SCHIP1: variants seen among roughly 807,000 people sequenced by gnomAD.
The protein encoded by SCHIP1 is schwannomin-interacting protein 1.
In SCHIP1, 8 loss-of-function variants were observed where a neutral mutation model predicts 29.7. The ratio of observed to expected loss-of-function variants is 0.27; its 90% CI spans 0.16 to 0.49. The LOEUF (loss-of-function observed/expected upper bound fraction) is 0.49, where lower values mean the gene tolerates loss of function less well. SCHIP1 is among the 20% of genes least tolerant of loss of function. SCHIP1 has a pLI of 0.99. For missense variants in SCHIP1, 193 were observed against 294.6 expected (o/e 0.66, Z 2.52); for synonymous variants, 76 against 94.9 (o/e 0.80, Z 1.16).
At chr3:159,748,823 T>C in the SCHIP1 span, among the ~76,000 whole-genome samples, 2 of 152,226 alleles carry the variant, frequency 1.3e-5, no homozygotes, top group Admixed American at 1.3e-4. Context: ...CATTTTAGTC[T>C]CTGTTGCTGG....
At chr3:159,556,581 T>A in the SCHIP1 span, among the ~76,000 whole-genome samples, 2 of 151,894 alleles carry the variant, frequency 1.3e-5, no homozygotes, top group Non-Finnish European at 1.5e-5. Flanking sequence ...TGGAACACTA[T>A]GCAGCCATAA....
chr3:159,295,253 T>TAAAA, the SCHIP1 span, among the ~76,000 whole-genome samples: 34 of 66,888 alleles, frequency 5.1e-4, 1 homozygote, highest in East Asian at 1.7e-3. Context: ...CTATCTCTAC[T>TAAAA]AAAAAAAAAA....
the SCHIP1 span, among the ~76,000 whole-genome samples, chr3:159,381,557 GT>G: frequency 6.6e-6 from 1 of 151,864 alleles, no homozygotes; most frequent in Non-Finnish European, 1.5e-5. Context: ...CAGCTCTACA[GT>G]TACACCCTGG....
At chr3:159,312,414 C>CA in the SCHIP1 span, among the ~76,000 whole-genome samples, 2 of 151,954 alleles carry the variant, frequency 1.3e-5, no homozygotes, top group African/African-American at 2.4e-5. Flanking sequence ...AACAGTCAGC[C>CA]AAAAAAATGT....
the SCHIP1 span, among the ~76,000 whole-genome samples, chr3:159,524,018 A>G: frequency 2.0e-5 from 3 of 152,222 alleles, no homozygotes; most frequent in Admixed American, 2.0e-4. Flanking sequence ...ATGCAGAAAT[A>G]TCAGCATCCT....
At chr3:159,469,840 GATA>G in the SCHIP1 span, among the ~76,000 whole-genome samples, 1 of 152,008 alleles carries the variant, frequency 6.6e-6, no homozygotes, top group Non-Finnish European at 1.5e-5. Flanking sequence ...AATATAACTA[GATA>G]ACCCAAAGAT....
chr3:159,405,033 A>G, the SCHIP1 span, among the ~76,000 whole-genome samples: 3 of 152,162 alleles, frequency 2.0e-5, no homozygotes, highest in African/African-American at 7.2e-5. Flanking sequence ...ATCCAAGACC[A>G]AGGTGGTACC....
At chr3:159,885,746 T>G (rs1474445110) in intron 2 of SCHIP1, among the ~76,000 whole-genome samples, 2 of 152,252 alleles carry the variant, frequency 1.3e-5, no homozygotes, top group Non-Finnish European at 2.9e-5. Flanking sequence ...TCTGTCTATT[T>G]GGGAGAAAAG....
At chr3:159,775,123 C>T in the SCHIP1 span, among the ~76,000 whole-genome samples, 1 of 152,192 alleles carries the variant, frequency 6.6e-6, no homozygotes, top group Non-Finnish European at 1.5e-5. Context: ...TCTGCAAATT[C>T]ATCAATTCAA....
At chr3:159,568,542 C>T in the SCHIP1 span, among the ~76,000 whole-genome samples, 2 of 152,062 alleles carry the variant, frequency 1.3e-5, no homozygotes, top group South Asian at 2.1e-4. Flanking sequence ...TACAGTCTTA[C>T]TTCCTAAATT....
At chr3:159,661,519 T>C in the SCHIP1 span, among the ~76,000 whole-genome samples, 1 of 152,224 alleles carries the variant, frequency 6.6e-6, no homozygotes, top group African/African-American at 2.4e-5. Context: ...GTGCAACATA[T>C]GACACACAAT....
chr3:159,704,417 T>TAAAAAAAAAAA, the SCHIP1 span, among the ~76,000 whole-genome samples: 13 of 92,640 alleles, frequency 1.4e-4, no homozygotes, highest in African/African-American at 5.3e-4. Flanking sequence ...CAATTTTTTC[T>TAAAAAAAAAAA]AAAAAAAAAA....
chr3:159,579,444 A>AT, the SCHIP1 span, among the ~76,000 whole-genome samples: 1 of 152,354 alleles, frequency 6.6e-6, no homozygotes, highest in Non-Finnish European at 1.5e-5. Context: ...TTATAAATTT[A>AT]TTGAAAAATA....
At chr3:159,686,010 A>G in the SCHIP1 span, among the ~76,000 whole-genome samples, 1 of 152,216 alleles carries the variant, frequency 6.6e-6, no homozygotes, top group East Asian at 1.9e-4. Flanking sequence ...AAACTGAGCT[A>G]TGGCTACAAT....
the SCHIP1 span, chr3:159,764,745 G>A: frequency 6.4e-7 from 1 of 1,572,420 alleles, no homozygotes; most frequent in Non-Finnish European, 8.6e-7. The surrounding 1 kb of genome is among the most constrained non-coding windows in gnomAD (Gnocchi z 6.1). Flanking sequence ...CCCGGGAACC[G>A]GGGGACGTAA....
the SCHIP1 span, among the ~76,000 whole-genome samples, chr3:159,431,662 A>T: frequency 6.6e-6 from 1 of 152,102 alleles, no homozygotes; most frequent in Non-Finnish European, 1.5e-5. Context: ...TATAAAAATT[A>T]GCTGGGCATG....
At chr3:159,430,120 T>C in the SCHIP1 span, among the ~76,000 whole-genome samples, 2 of 152,162 alleles carry the variant, frequency 1.3e-5, no homozygotes, top group South Asian at 2.1e-4. Flanking sequence ...TTTGTAAATA[T>C]AGAGAAAAAG....
At chr3:159,599,115 T>C in the SCHIP1 span, among the ~76,000 whole-genome samples, 2 of 152,178 alleles carry the variant, frequency 1.3e-5, no homozygotes, top group Non-Finnish European at 2.9e-5. Context: ...ATTGAAAAGA[T>C]GAGGGGTTTT....
At chr3:159,647,767 G>A in the SCHIP1 span, among the ~76,000 whole-genome samples, 1 of 152,102 alleles carries the variant, frequency 6.6e-6, no homozygotes, top group Non-Finnish European at 1.5e-5. Context: ...CTTGCTGACA[G>A]AAACAAAAAT....
Sources: allele counts gnomAD v4.1 joint callset (sites outside exome capture counted in the v4.1 genomes callset), GRCh38; gene constraint gnomAD v4.1.1; non-coding constraint Gnocchi (gnomAD v3.1); transcripts MANE v1.5; gene names NCBI Gene and HGNC (gene_info 2026-07-23, HGNC 2026-07-21).